The following SYT1 variants were observed in gnomAD, a reference collection of about 807,000 sequenced individuals.
SYT1 encodes the protein synaptotagmin-1.
A neutral mutation model predicts 44.8 loss-of-function variants in SYT1; 8 were observed. That is an observed-to-expected ratio of 0.18 (90% CI 0.10 to 0.32). The LOEUF is 0.32. Ranked by LOEUF, SYT1 falls within the 10% of genes least tolerant of loss-of-function variation. The pLI is 1.00. For synonymous variants in SYT1, 154 were observed against 188.8 expected, an observed-to-expected ratio of 0.82 and a Z score of 1.51; for missense variants, 286 against 509.3, an observed-to-expected ratio of 0.56 and a Z score of 4.22.
At chr12:78,906,635 G>T (rs1875998863) in intron 1 of SYT1, among the ~76,000 whole-genome samples, 2 of 152,122 alleles carry the variant, frequency 1.3e-5, no homozygotes. Flanking sequence ...CTGGCCTCTT[G>T]TGGAAATTAG....
At chr12:79,164,809 G>A (rs888397855) in intron 3 of SYT1, among the ~76,000 whole-genome samples, 1 of 151,840 alleles carries the variant, frequency 6.6e-6, no homozygotes, top group Admixed American at 6.6e-5. Context: ...ATAAGAAATG[G>A]CAAATGAACA....
chr12:79,002,561 C>T (rs948058671), intron 2 of SYT1, among the ~76,000 whole-genome samples: 7 of 152,000 alleles, frequency 4.6e-5, no homozygotes, highest in Admixed American at 2.6e-4. Flanking sequence ...ACCTCAATTT[C>T]GGTATCCAGG....
At chr12:79,278,031 T>C (rs1878832334) in intron 4 of SYT1, among the ~76,000 whole-genome samples, 1 of 151,784 alleles carries the variant, frequency 6.6e-6, no homozygotes, top group Admixed American at 6.6e-5. Context: ...CTACCAGACC[T>C]AAGAAAAGAG....
intron 1 of SYT1, among the ~76,000 whole-genome samples, chr12:78,932,084 C>T (rs1565724474): frequency 1.3e-5 from 2 of 152,154 alleles, no homozygotes; most frequent in African/African-American, 2.4e-5. Flanking sequence ...TTTTATTCTT[C>T]GTGACAGTTT....
intron 4 of SYT1, among the ~76,000 whole-genome samples, chr12:79,276,533 G>A (rs959276174): frequency 2.0e-5 from 3 of 151,616 alleles, no homozygotes; most frequent in African/African-American, 7.3e-5. Flanking sequence ...AAAATTAGCT[G>A]GGCATGGTGG....
intron 1 of SYT1, among the ~76,000 whole-genome samples, chr12:78,971,039 C>T (rs926199911): frequency 4.6e-5 from 7 of 152,082 alleles, no homozygotes; most frequent in African/African-American, 1.7e-4. Flanking sequence ...TGATGCATGC[C>T]TGTGATCCTA....
At chr12:79,420,520 A>G (rs1869041810) in intron 9 of SYT1, among the ~76,000 whole-genome samples, 1 of 152,114 alleles carries the variant, frequency 6.6e-6, no homozygotes, top group African/African-American at 2.4e-5. Context: ...ATATAACACT[A>G]TCTCAAAGCT....
intron 2 of SYT1, among the ~76,000 whole-genome samples, chr12:79,005,592 T>C (rs187735990): frequency 3.0e-4 from 46 of 152,212 alleles, no homozygotes; most frequent in African/African-American, 1.1e-3. Context: ...ATTTTATTAT[T>C]TTTGCATATA....
At chr12:79,182,830 C>T (rs891053651) in intron 3 of SYT1, among the ~76,000 whole-genome samples, 3 of 152,006 alleles carry the variant, frequency 2.0e-5, no homozygotes, top group African/African-American at 7.2e-5. Flanking sequence ...AGTTCTGTTA[C>T]TTCTGTTACT....
At chr12:78,952,972 G>C (rs1592599382) in intron 1 of SYT1, among the ~76,000 whole-genome samples, 1 of 152,142 alleles carries the variant, frequency 6.6e-6, no homozygotes, top group East Asian at 1.9e-4. Context: ...AAAACCAAGA[G>C]GGCAAAATTT....
chr12:79,141,753 C>T (rs1217080871), intron 3 of SYT1, among the ~76,000 whole-genome samples: 1 of 152,098 alleles, frequency 6.6e-6, no homozygotes, highest in Non-Finnish European at 1.5e-5. Context: ...TAATTTGAGC[C>T]TTGTGTATGA....
intron 3 of SYT1, among the ~76,000 whole-genome samples, chr12:79,174,402 C>A (rs75308839): frequency 0.014 from 1,337 of 94,806 alleles, 12 homozygotes; most frequent in Non-Finnish European, 0.021. Context: ...ACGTATTCTC[C>A]TGTCCTTATA....
At chr12:78,987,954 A>G (rs78964991) in intron 2 of SYT1, among the ~76,000 whole-genome samples, 1 of 152,002 alleles carries the variant, frequency 6.6e-6, no homozygotes, top group Admixed American at 6.6e-5. Context: ...CCCATAAACC[A>G]TCCTGTCAGG....
chr12:78,990,856 C>T (rs777199513), intron 2 of SYT1, among the ~76,000 whole-genome samples: 9 of 152,086 alleles, frequency 5.9e-5, no homozygotes, highest in Non-Finnish European at 1.2e-4. Flanking sequence ...ATGGTATGCA[C>T]GCTGCAGCTC....
At chr12:79,430,954 C>T (rs1432840558) in intron 9 of SYT1, among the ~76,000 whole-genome samples, 1 of 152,160 alleles carries the variant, frequency 6.6e-6, no homozygotes, top group Non-Finnish European at 1.5e-5. Context: ...AAGATAAATA[C>T]CTGGCACATA....
chr12:79,399,514 A>T (rs1377337930), intron 9 of SYT1, among the ~76,000 whole-genome samples: 1 of 152,196 alleles, frequency 6.6e-6, no homozygotes. Context: ...TATAGTCGGA[A>T]CAGTCTATGT....
intron 1 of SYT1, among the ~76,000 whole-genome samples, chr12:78,970,292 G>A (rs899971145): frequency 6.6e-6 from 1 of 152,174 alleles, no homozygotes; most frequent in Non-Finnish European, 1.5e-5. Flanking sequence ...TACTTAAAGT[G>A]AATAAATGAA....
chr12:79,102,762 G>C (rs1878514162), intron 3 of SYT1, among the ~76,000 whole-genome samples: 1 of 152,184 alleles, frequency 6.6e-6, no homozygotes, highest in South Asian at 2.1e-4. Flanking sequence ...GATAAAATGA[G>C]ATTGAGGTTT....
rs190294989 is a variant in SYT1 at position 79,055,812 on chromosome 12, G to A, written c.-18+8450G>A. Among the ~76,000 whole-genome samples the A allele has an allele frequency of 3.1e-4, 47 of 151,900 alleles. 1 individual carries two copies. The East Asian group carries it at 8.9e-3, about 29-fold the overall frequency. ...AAAACATCTTAGTAATATCAAAGGG[G>A]CATTCTTTTCTTTCAAATTTATTTA... On this transcript the variant is annotated intron_variant, in intron 3 of 10. Coordinates refer to ENST00000261205, the MANE Select transcript of SYT1 (RefSeq NM_005639.3).
Sources: gnomAD v4.1 joint callset for allele counts (sites outside exome capture counted in the v4.1 genomes callset) on GRCh38, gnomAD v4.1.1 for gene constraint, MANE v1.5 for transcripts, NCBI Gene and HGNC (gene_info 2026-07-23, HGNC 2026-07-21) for gene names.